SLC14A2: variants seen among roughly 807,000 people sequenced by gnomAD.
The protein encoded by SLC14A2 is solute carrier family 14 member 2.
In SLC14A2, 91 loss-of-function variants were observed where a neutral mutation model predicts 104.6. That is an observed-to-expected ratio of 0.87 (90% CI 0.73 to 1.04). SLC14A2 has a LOEUF of 1.04. Among genes scored for constraint, SLC14A2 ranks in the 50% least tolerant of loss-of-function variants. SLC14A2 has a pLI of 0.00. For synonymous variants in SLC14A2, 476 were observed against 466.4 expected (o/e 1.02, Z -0.27); for missense variants, 1,189 against 1,156.0 (o/e 1.03, Z -0.41).
At chr18:45,459,036 T>G (rs1221270957) in intron 1 of SLC14A2, among the ~76,000 whole-genome samples, 4 of 152,206 alleles carry the variant, frequency 2.6e-5, no homozygotes, top group Non-Finnish European at 5.9e-5. Context: ...CAGTCCATTC[T>G]GAATAAGGGT....
intron 1 of SLC14A2, among the ~76,000 whole-genome samples, chr18:45,266,607 AGCCTTTTATG>A (rs1460400266): frequency 6.6e-6 from 1 of 152,172 alleles, no homozygotes; most frequent in Non-Finnish European, 1.5e-5. Context: ...CTTTCTTTAT[AGCCTTTTATG>A]GCCATAATGC....
intron 2 of SLC14A2, among the ~76,000 whole-genome samples, chr18:45,572,814 T>C (rs1275793178): frequency 6.6e-6 from 1 of 152,186 alleles, no homozygotes; most frequent in East Asian, 1.9e-4. Flanking sequence ...GAAATCAAGA[T>C]TTCTCGATTG....
chr18:45,207,304 AGAAG>A, the SLC14A2 span, among the ~76,000 whole-genome samples: 3 of 148,820 alleles, frequency 2.0e-5, no homozygotes, highest in Non-Finnish European at 3.0e-5. Context: ...TAGGAGGGAG[AGAAG>A]GAAGGAAGGG....
chr18:45,185,588 A>G, the SLC14A2 span, among the ~76,000 whole-genome samples: 1 of 152,228 alleles, frequency 6.6e-6, no homozygotes, highest in Non-Finnish European at 1.5e-5. Flanking sequence ...TAGGAAGAAG[A>G]CAAGGATGTC....
upstream of SLC14A2, among the ~76,000 whole-genome samples, chr18:45,611,258 C>T (rs931957110): frequency 6.6e-6 from 1 of 152,224 alleles, no homozygotes; most frequent in South Asian, 2.1e-4. Context: ...AGGACAGCAT[C>T]TGATGGTATC....
rs139739162 is a variant in SLC14A2 at position 45,398,947 on chromosome 18, C to T, written c.-124-84286C>T. Among the ~76,000 whole-genome samples the T allele has an allele frequency of 6.2e-3, 944 of 152,258 alleles. 6 individuals carry two copies. The highest frequency in any genetic ancestry group is 0.021 in the African/African-American group (882 of 41,542). ...ACAACGTACACATACTTTATGTCAT[C>T]GAACGAACATTTAAACATTAAAATG... On this transcript the variant is annotated intron_variant, in intron 1 of 20. Coordinates refer to the SLC14A2 transcript ENST00000586448.
intron 1 of SLC14A2, among the ~76,000 whole-genome samples, chr18:45,306,014 T>C (rs527544476): frequency 6.6e-6 from 1 of 152,300 alleles, no homozygotes; most frequent in East Asian, 1.9e-4. Context: ...TAACATTTGA[T>C]CAGGATCCTT....
chr18:45,339,253 C>T (rs1007855895), intron 1 of SLC14A2, among the ~76,000 whole-genome samples: 3 of 152,184 alleles, frequency 2.0e-5, no homozygotes, highest in Admixed American at 6.5e-5. Flanking sequence ...CACAAGCCAC[C>T]GCACCTGGCC....
chr18:45,168,214 G>A, the SLC14A2 span, among the ~76,000 whole-genome samples: 72,051 of 151,908 alleles, frequency 0.47, 17,560 homozygotes, highest in Non-Finnish European at 0.54. Flanking sequence ...TTAAGGTAAC[G>A]TATAACTGGC....
At chr18:45,291,603 G>A (rs16978333) in intron 1 of SLC14A2, among the ~76,000 whole-genome samples, 5,618 of 152,264 alleles carry the variant, frequency 0.037, 138 homozygotes, top group Middle Eastern at 0.11. Context: ...AGAAAATCCT[G>A]ACAGCAAAGG....
chr18:45,170,018 C>T, the SLC14A2 span, among the ~76,000 whole-genome samples: 1 of 152,160 alleles, frequency 6.6e-6, no homozygotes, highest in African/African-American at 2.4e-5. Context: ...GAAAAAATTT[C>T]TGGCTGCAAT....
intron 2 of SLC14A2, among the ~76,000 whole-genome samples, chr18:45,538,046 A>G (rs2043822383): frequency 6.6e-6 from 1 of 152,234 alleles, no homozygotes; most frequent in South Asian, 2.1e-4. Context: ...TTCTGAGGTC[A>G]GGAATGAGGG....
intron 2 of SLC14A2, among the ~76,000 whole-genome samples, chr18:45,589,385 A>G (rs2044615568): frequency 6.6e-6 from 1 of 152,204 alleles, no homozygotes; most frequent in Non-Finnish European, 1.5e-5. Context: ...ACACAAACAC[A>G]CACACAAGGG....
At chr18:45,220,974 T>G (rs910724433) in intron 1 of SLC14A2, among the ~76,000 whole-genome samples, 3 of 152,162 alleles carry the variant, frequency 2.0e-5, no homozygotes, top group African/African-American at 7.2e-5. Context: ...AACTTCTTCT[T>G]CTGTTAAGGA....
rs747173661 is a variant in SLC14A2, at chr18:45,625,858, T to A, written c.326T>A (p.Leu109Gln). The change falls in exon 3 of 20, where the codon CTG becomes CAG. Residue 109 changes from leucine to glutamine, a missense_variant. Coordinates refer to ENST00000255226, the MANE Select transcript of SLC14A2 (RefSeq NM_007163.4). The stretch of plus-strand genomic sequence containing the variant: ...GACATGAAGGAGTACAGGATCTGGC[T>A]GAAAGGTAGGAAAATACCCTGGGGA... ...TGDMKEYRIW[L>Q]KDKHLALQFI... is the part of the protein sequence containing the mutation. 39 of 1,466,564 alleles carry A rather than the reference T, an allele frequency of 2.7e-5. No individual in the cohort carries two copies. Among genetic ancestry groups the A allele is most frequent in the Non-Finnish European group, 6.3e-6 (7 of 1,110,220 alleles). The allele number at this position is 1,466,564 out of a possible 1,614,324, so 90.8% of individuals were successfully genotyped here. A position where few individuals can be genotyped will look rare whatever the true frequency, so the allele number is the denominator to read the frequency against.
chr18:45,381,923 C>T (rs2085842250), intron 1 of SLC14A2, among the ~76,000 whole-genome samples: 1 of 152,134 alleles, frequency 6.6e-6, no homozygotes, highest in Admixed American at 6.5e-5. Flanking sequence ...AGGAGAACTG[C>T]ACCACCCAGG....
intron 3 of SLC14A2, among the ~76,000 whole-genome samples, chr18:45,626,652 C>T (rs947889095): frequency 6.9e-6 from 1 of 145,340 alleles, no homozygotes; most frequent in Non-Finnish European, 1.5e-5. Flanking sequence ...CCTTGGAATG[C>T]TCCCGGGGCT....
intron 1 of SLC14A2, among the ~76,000 whole-genome samples, chr18:45,262,529 G>A (rs1397071941): frequency 6.6e-6 from 1 of 152,132 alleles, no homozygotes; most frequent in African/African-American, 2.4e-5. Context: ...GAGAGGGTAG[G>A]CCCCTATTAA....
intron 2 of SLC14A2, among the ~76,000 whole-genome samples, chr18:45,516,211 C>G (rs559590105): frequency 1.3e-5 from 2 of 152,176 alleles, no homozygotes; most frequent in Admixed American, 6.5e-5. Context: ...TCTCTCCCCC[C>G]TCACTACTGT....
Sources: allele counts gnomAD v4.1 joint callset (sites outside exome capture counted in the v4.1 genomes callset), GRCh38; gene constraint gnomAD v4.1.1; transcripts MANE v1.5; gene names NCBI Gene and HGNC (gene_info 2026-07-23, HGNC 2026-07-21).